Variants in SMARCC1 observed in about 807,000 individuals in gnomAD.
The protein encoded by SMARCC1 is SWI/SNF related BAF chromatin remodeling complex subunit C1, also known as SWI/SNF complex subunit SMARCC1.
In SMARCC1, 43 loss-of-function variants were observed where a neutral mutation model predicts 147.4. The ratio of observed to expected loss-of-function variants is 0.29; its 90% CI spans 0.23 to 0.38. The LOEUF is 0.38. Ranked by LOEUF, SMARCC1 falls within the 10% of genes least tolerant of loss-of-function variation. The pLI, the probability that SMARCC1 is intolerant of heterozygous loss-of-function variation, is 1.00. For missense variants in SMARCC1, 1,119 were observed against 1,381.1 expected, an observed-to-expected ratio of 0.81 and a Z score of 3.01; for synonymous variants, 495 against 484.4, an observed-to-expected ratio of 1.02 and a Z score of -0.29.
intron 26 of SMARCC1, among the ~76,000 whole-genome samples, chr3:47,596,777 G>C (rs1445165840): frequency 2.0e-5 from 3 of 152,010 alleles, no homozygotes; most frequent in Non-Finnish European, 4.4e-5. Flanking sequence ...GCCTAGAGCA[G>C]AGAAAAAGTG....
chr3:47,722,692 C>G (rs1421578510), intron 6 of SMARCC1, among the ~76,000 whole-genome samples: 1 of 152,292 alleles, frequency 6.6e-6, no homozygotes, highest in South Asian at 2.1e-4. Flanking sequence ...TAAGCTCGCT[C>G]TCTTCCCAGG....
At chr3:47,769,449 G>C (rs1006351102) in intron 2 of SMARCC1, among the ~76,000 whole-genome samples, 13 of 151,608 alleles carry the variant, frequency 8.6e-5, no homozygotes, top group Non-Finnish European at 1.5e-4. Flanking sequence ...GGATGGTCTC[G>C]ATCTCCTGAC....
chr3:47,705,483 A>T (rs2033980984), intron 10 of SMARCC1, among the ~76,000 whole-genome samples: 1 of 152,220 alleles, frequency 6.6e-6, no homozygotes, highest in African/African-American at 2.4e-5. Flanking sequence ...GCTTAATAAT[A>T]TATGAAACTA....
At chr3:47,767,553 TAA>T (rs765197611) in intron 2 of SMARCC1, among the ~76,000 whole-genome samples, 20 of 111,278 alleles carry the variant, frequency 1.8e-4, no homozygotes, top group Non-Finnish European at 2.3e-4. Flanking sequence ...CACTCTGATT[TAA>T]AAAAAAAAAA....
chr3:47,620,251 T>G (rs2032707478), intron 25 of SMARCC1, among the ~76,000 whole-genome samples: 1 of 151,930 alleles, frequency 6.6e-6, no homozygotes, highest in Non-Finnish European at 1.5e-5. Flanking sequence ...CTGCCTGAAC[T>G]CAGGAGTTCG....
chr3:47,726,337 A>G (rs2034300108), intron 6 of SMARCC1, among the ~76,000 whole-genome samples: 1 of 152,158 alleles, frequency 6.6e-6, no homozygotes, highest in Non-Finnish European at 1.5e-5. Flanking sequence ...ATAGAAAACA[A>G]ACAGGAAAAC....
intron 14 of SMARCC1, among the ~76,000 whole-genome samples, chr3:47,683,502 A>G (rs2033680278): frequency 6.6e-6 from 1 of 152,196 alleles, no homozygotes; most frequent in Non-Finnish European, 1.5e-5. Flanking sequence ...TAAAAATCAC[A>G]TTCATCCTTT....
intron 3 of SMARCC1, among the ~76,000 whole-genome samples, chr3:47,741,211 G>T (rs2034505998): frequency 6.6e-6 from 1 of 151,822 alleles, no homozygotes; most frequent in African/African-American, 2.4e-5. Flanking sequence ...GTGAGGAAAA[G>T]AGACGGAAGA....
intron 3 of SMARCC1, among the ~76,000 whole-genome samples, chr3:47,743,728 G>C (rs1019791648): frequency 6.6e-6 from 1 of 151,172 alleles, no homozygotes; most frequent in Non-Finnish European, 1.5e-5. Context: ...CAGGAGAACT[G>C]CTTGAACCTG....
intron 21 of SMARCC1, among the ~76,000 whole-genome samples, chr3:47,647,478 T>C (rs756263008): frequency 6.6e-6 from 1 of 152,194 alleles, no homozygotes; most frequent in Non-Finnish European, 1.5e-5. Flanking sequence ...TTTGACATAT[T>C]TTCAACTTAT....
At chr3:47,636,683 A>C (rs1049017129) in intron 22 of SMARCC1, among the ~76,000 whole-genome samples, 1 of 152,048 alleles carries the variant, frequency 6.6e-6, no homozygotes, top group African/African-American at 2.4e-5. Flanking sequence ...AACACCCGGG[A>C]GGCAGAGATT....
chr3:47,780,880 A>T (rs1264341284), intron 1 of SMARCC1, among the ~76,000 whole-genome samples: 1 of 152,244 alleles, frequency 6.6e-6, no homozygotes, highest in Non-Finnish European at 1.5e-5. Context: ...AAAACTTTGA[A>T]AACTACTGAC....
chr3:47,639,576 C>T (rs1451294358), intron 21 of SMARCC1, among the ~76,000 whole-genome samples: 16 of 151,960 alleles, frequency 1.1e-4, no homozygotes, highest in African/African-American at 3.9e-4. Context: ...TAGCCAGGTG[C>T]GGTGGTGTGC....
chr3:47,658,545 G>A (rs1322301290), intron 21 of SMARCC1, among the ~76,000 whole-genome samples: 1 of 152,104 alleles, frequency 6.6e-6, no homozygotes, highest in Non-Finnish European at 1.5e-5. Flanking sequence ...ATTTTCACTG[G>A]CTTTTCACTT....
chr3:47,641,616 A>G (rs755695536), intron 21 of SMARCC1, among the ~76,000 whole-genome samples: 2 of 152,240 alleles, frequency 1.3e-5, no homozygotes, highest in African/African-American at 2.4e-5. Context: ...GAAGGTAGTG[A>G]GCTATAAAAC....
chr3:47,680,764 G>A (rs1256458615), intron 14 of SMARCC1, among the ~76,000 whole-genome samples: 3 of 151,672 alleles, frequency 2.0e-5, no homozygotes, highest in Non-Finnish European at 4.4e-5. Flanking sequence ...AGCTGGGATG[G>A]TCTCGATCTC....
intron 21 of SMARCC1, among the ~76,000 whole-genome samples, chr3:47,659,760 A>AAGGGGGGGG (rs373959195): frequency 2.1e-5 from 1 of 47,780 alleles, no homozygotes; most frequent in African/African-American, 9.1e-5. Context: ...GAAAAAAAAA[A>AAGGGGGGGG]GGGGGGGGGG....
At chr3:47,729,397 T>C (rs911164429) in intron 5 of SMARCC1, among the ~76,000 whole-genome samples, 1 of 152,170 alleles carries the variant, frequency 6.6e-6, no homozygotes, top group Non-Finnish European at 1.5e-5. Context: ...TTCTTTTTTT[T>C]CCTGAAATGG....
intron 21 of SMARCC1, among the ~76,000 whole-genome samples, chr3:47,641,308 G>A (rs1362897926): frequency 6.6e-6 from 1 of 152,126 alleles, no homozygotes; most frequent in African/African-American, 2.4e-5. Context: ...GCAACACTGT[G>A]AAACCCCGTG....
Sources: allele counts gnomAD v4.1 joint callset (sites outside exome capture counted in the v4.1 genomes callset), GRCh38; gene constraint gnomAD v4.1.1; transcripts MANE v1.5; gene names NCBI Gene and HGNC (gene_info 2026-07-23, HGNC 2026-07-21).